ZNF81: variants seen among roughly 807,000 people sequenced by gnomAD.
ZNF81 encodes zinc finger protein 81 (HFZ20).
A neutral mutation model predicts 32.3 loss-of-function variants in ZNF81; 5 were observed. The ratio of observed to expected loss-of-function variants is 0.15; its 90% CI spans 0.08 to 0.33. The LOEUF (loss-of-function observed/expected upper bound fraction) is 0.33. ZNF81 is among the 10% of genes least tolerant of loss of function. The pLI is 1.00. For missense variants in ZNF81, 379 were observed against 479.8 expected (o/e 0.79, Z 1.96); for synonymous variants, 163 against 166.8 (o/e 0.98, Z 0.17).
intron 1 of ZNF81, among the ~76,000 whole-genome samples, chrX:47,839,840 C>A (rs190590901): frequency 9.0e-6 from 1 of 111,399 alleles, no homozygotes; most frequent in African/African-American, 3.3e-5. Context: ...TTGTCCAACC[C>A]GCTGTCCGTG....
At chrX:47,890,168 C>T (rs782450628) in intron 3 of ZNF81, among the ~76,000 whole-genome samples, 6 of 111,373 alleles carry the variant, frequency 5.4e-5, no homozygotes, top group African/African-American at 2.0e-4. Flanking sequence ...AATGCCCAGG[C>T]CCAGTGCACC....
intron 2 of ZNF81, among the ~76,000 whole-genome samples, chrX:47,881,835 G>A (rs1307526814): frequency 3.0e-5 from 3 of 100,845 alleles, no homozygotes; most frequent in Non-Finnish European, 6.1e-5. Flanking sequence ...GGAATGCAGT[G>A]GTGCATCCAT....
In ZNF81 at chrX:47,921,220, A is replaced by G. The variant is rs782305898; in HGVS notation, c.*4588A>G. On this transcript the variant is annotated 3_prime_UTR_variant, in exon 5 of 5. Transcript: ENST00000338637. ...TCAACCCCTGCAACTGAGCTTGGCT[A>G]TTTTGTTGGCCAATGGGACATTAAC... is the stretch of plus-strand genomic sequence containing the variant. 1.8e-5 allele frequency: 2 copies of G among 110,481 alleles called. No individual in the cohort carries two copies. Among genetic ancestry groups the G allele is most frequent in the Non-Finnish European group, 3.8e-5 (2 of 52,928 alleles). The allele number at this position is 110,481 out of a possible 1,213,427, so 9.1% of individuals were successfully genotyped here. A position where few individuals can be genotyped will look rare whatever the true frequency, so the allele number is the denominator to read the frequency against.
At chrX:47,905,409 T>TAA (rs782351301) in intron 4 of ZNF81, among the ~76,000 whole-genome samples, 376 of 29,400 alleles carry the variant, frequency 0.013, 13 homozygotes, top group African/African-American at 0.046. Flanking sequence ...AGACTCCATC[T>TAA]AAAAAAAAAA....
Position 47,916,255 on chromosome X carries a change from G to A in ZNF81, c.1609G>A (p.Asp537Asn), listed in dbSNP as rs782066048. Residue 537 changes from aspartate (D) to asparagine (N), a missense_variant, in exon 5 of 5, where the codon GAC (aspartate) becomes AAC (asparagine). Physicochemically the swap from Asp to Asn is conservative, Grantham distance 23 (BLOSUM62 1). Coordinates refer to ENST00000338637, the MANE Select transcript of ZNF81 (RefSeq NM_007137.5). Reference protein sequence around the residue: ...ICAECGKAFTDRSNFNKHQTI... With the variant: ...ICAECGKAFTNRSNFNKHQTI... ...TGCTGAATGTGGGAAGGCCTTCACC[G>A]ACAGGTCAAATTTCAATAAACACCA... 2.5e-6 allele frequency: 3 copies of A among 1,211,222 alleles called. No individual in the cohort carries two copies. The highest frequency in any genetic ancestry group is 2.2e-5 in the Admixed American group (1 of 45,943).
chrX:47,864,157 G>C (rs782087652), intron 2 of ZNF81, among the ~76,000 whole-genome samples: 5 of 111,578 alleles, frequency 4.5e-5, no homozygotes, highest in Non-Finnish European at 9.4e-5. Flanking sequence ...CGGACCAGGA[G>C]GAGGCAAGGG....
chrX:47,916,601 T>C lies in ZNF81; in HGVS notation c.1955T>C (p.Val652Ala), dbSNP rs2058757893. ...GGAAAGGGGTTCACCCAGAAATCAG[T>C]TCTCAGTATGCATCGCAATATTCAT... ...DCGKGFTQKS[V>A]LSMHRNIHT Residue 652 changes from valine to alanine, a missense_variant, in exon 5 of 5, where the codon GTT becomes GCT. By Grantham distance (64) the Val-to-Ala change is moderately conservative (BLOSUM62 0). This residue lies in a region of ZNF81 where 102 missense variants were observed against 173.2 expected (regional missense o/e 0.59). Transcript: ENST00000338637. 2 of 1,202,359 alleles carry C rather than the reference T, an allele frequency of 1.7e-6. No individual in the cohort carries two copies. Among genetic ancestry groups the C allele is most frequent in the African/African-American group, 3.5e-5 (2 of 56,952 alleles).
chrX:47,871,599 G>A (rs1396208148), intron 2 of ZNF81, among the ~76,000 whole-genome samples: 1 of 111,887 alleles, frequency 8.9e-6, no homozygotes, highest in Non-Finnish European at 1.9e-5. Flanking sequence ...ATTTGACCAG[G>A]ATCTGGTAAA....
Position 47,924,868 on chromosome X carries a change from A to G in ZNF81, c.*8236A>G, listed in dbSNP as rs2058786467. Among the ~76,000 whole-genome samples, 1 of 111,623 alleles carries G rather than the reference A, an allele frequency of 9.0e-6. No homozygotes were observed. Among genetic ancestry groups the G allele is most frequent in the African/African-American group, 3.3e-5 (1 of 30,733 alleles). On this transcript the variant is annotated 3_prime_UTR_variant, in exon 5 of 5. Coordinates refer to ENST00000338637, the MANE Select transcript of ZNF81 (RefSeq NM_007137.5). ...AAAACAATATAACATTATTTCCCTC[A>G]CATCTTAATTATGTGTATTTTCAAT... is the stretch of plus-strand genomic sequence containing the variant.
At chrX:47,870,199 A>G (rs1007824780) in intron 2 of ZNF81, among the ~76,000 whole-genome samples, 1 of 112,220 alleles carries the variant, frequency 8.9e-6, no homozygotes, top group Admixed American at 9.4e-5. Flanking sequence ...GAACTCTTCT[A>G]AATATTGAAT....
chrX:47,884,065 G>A (rs1009618983), intron 2 of ZNF81, among the ~76,000 whole-genome samples: 7 of 108,888 alleles, frequency 6.4e-5, no homozygotes, highest in Non-Finnish European at 1.3e-4. Context: ...GGCCAAGATG[G>A]TGAAACCCTG....
intron 2 of ZNF81, among the ~76,000 whole-genome samples, chrX:47,879,983 G>A (rs1182628891): frequency 8.9e-6 from 1 of 112,301 alleles, no homozygotes; most frequent in Non-Finnish European, 1.9e-5. Context: ...TATTTAACGT[G>A]TTCCTGTATC....
At chrX:47,893,709 C>T (rs2058670100) in intron 3 of ZNF81, among the ~76,000 whole-genome samples, 1 of 108,910 alleles carries the variant, frequency 9.2e-6, no homozygotes, top group Admixed American at 9.9e-5. Flanking sequence ...GCATGAGAAT[C>T]ACTTGAACCC....
At position 47,921,270 on chromosome X, in the gene ZNF81, A is replaced by T. The variant is rs1224275013; in HGVS notation, c.*4638A>T. ...CAAGTATGATACAAGCAGAGGCTTG[A>T]GAAGTGCCTGCACAATGAGGCTTGC... On this transcript the variant is annotated 3_prime_UTR_variant, in exon 5 of 5. Transcript: ENST00000338637. 1 of 110,662 alleles carries T rather than the reference A, an allele frequency of 9.0e-6. No individual in the cohort carries two copies. The highest frequency in any genetic ancestry group is 3.3e-5 in the African/African-American group (1 of 30,515). 9.1% of individuals were successfully genotyped at this position (110,662 alleles called of 1,213,427 possible).
chrX:47,888,683 T>C (rs2058651862), intron 3 of ZNF81, among the ~76,000 whole-genome samples: 1 of 111,354 alleles, frequency 9.0e-6, no homozygotes, highest in Non-Finnish European at 1.9e-5. Flanking sequence ...AAATGGGGTG[T>C]GGCTGTGATA....
At chrX:47,866,594 C>A (rs1385989770) in intron 2 of ZNF81, among the ~76,000 whole-genome samples, 1 of 111,492 alleles carries the variant, frequency 9.0e-6, no homozygotes, top group Non-Finnish European at 1.9e-5. Flanking sequence ...GTTAATTGCC[C>A]TTATCCAAAG....
In ZNF81 at chrX:47,895,864, A is replaced by T; in HGVS notation, c.201A>T (p.Pro67=). 1.7e-6 allele frequency: 2 copies of T among 1,209,774 alleles called. No individual in the cohort carries two copies. The highest frequency in any genetic ancestry group is 2.2e-6 in the Non-Finnish European group (2 of 893,728). ...LLSVGFEVPK[P]EVIFKLEQGE... is the part of the protein sequence containing the mutation. ...TAACAGGGTTCGAAGTTCCTAAACC[A>T]GAGGTCATCTTCAAGTTGGAGCAAG... Residue 67 remains proline (P), a synonymous_variant, in exon 4 of 5, where the codon CCA becomes CCT. Transcript: ENST00000338637.
In ZNF81 at chrX:47,915,872, C is replaced by T; in HGVS notation, c.1226C>T (p.Thr409Ile). Reference sequence around the variant, plus strand: ...CTCAATATACATCAGAAAATTCACACTGGAGAGAGACATCACAAATGCAGT... The same window carrying T: ...CTCAATATACATCAGAAAATTCACATTGGAGAGAGACATCACAAATGCAGT... The part of the protein sequence containing the change: ...SALNIHQKIH[T>I]GERHHKCSEC... Residue 409 changes from threonine (T) to isoleucine (I), a missense_variant, in exon 5 of 5, where the codon ACT (threonine) becomes ATT (isoleucine). This residue lies in a region of ZNF81 where 277 missense variants were observed against 306.6 expected (regional missense o/e 0.90). Coordinates refer to ENST00000338637, the MANE Select transcript of ZNF81 (RefSeq NM_007137.5). 3 of 1,209,870 alleles carry T rather than the reference C, an allele frequency of 2.5e-6. No individual in the cohort carries two copies. Among genetic ancestry groups the T allele is most frequent in the Non-Finnish European group, 3.4e-6 (3 of 894,631 alleles).
intron 2 of ZNF81, among the ~76,000 whole-genome samples, chrX:47,886,490 T>C (rs1413535659): frequency 9.0e-6 from 1 of 111,569 alleles, no homozygotes; most frequent in African/African-American, 3.3e-5. Context: ...TCTCTTTCAA[T>C]GCCTTTCTGG....
Sources: allele counts gnomAD v4.1 joint callset (sites outside exome capture counted in the v4.1 genomes callset), GRCh38; gene constraint gnomAD v4.1.1; regional missense constraint gnomAD v4.1.1; transcripts MANE v1.5; gene names NCBI Gene and HGNC (gene_info 2026-07-23, HGNC 2026-07-21).